NIPAL2: variants seen among roughly 807,000 people sequenced by gnomAD.
The protein encoded by NIPAL2 is NIPA like domain containing 2, also known as NIPA-like protein 2.
A neutral mutation model predicts 48.9 loss-of-function variants in NIPAL2; 43 were observed. The observed-to-expected ratio is 0.88, with a 90% CI of 0.69 to 1.13. NIPAL2 has a LOEUF of 1.13. NIPAL2 is among the 50% of genes most tolerant of loss of function. The probability of loss-of-function intolerance (pLI) is 0.00; values close to 1 mark genes in which losing one functional copy is unlikely to be tolerated. For missense variants in NIPAL2, 446 were observed against 461.4 expected (o/e 0.97, Z 0.31); for synonymous variants, 167 against 174.6 (o/e 0.96, Z 0.34).
At chr8:98,214,561 T>TTC (rs1307540367) in intron 5 of NIPAL2, among the ~76,000 whole-genome samples, 1 of 148,554 alleles carries the variant, frequency 6.7e-6, no homozygotes, top group Non-Finnish European at 1.5e-5. Flanking sequence ...CTAATTTTTT[T>TTC]TCTTTTTTTT....
chr8:98,259,314 A>G (rs977640195), intron 1 of NIPAL2, among the ~76,000 whole-genome samples: 2 of 151,640 alleles, frequency 1.3e-5, no homozygotes, highest in Non-Finnish European at 2.9e-5. Flanking sequence ...TGACCTCGTG[A>G]TCCGCCCGTC....
chr8:98,208,207 T>C (rs1481871049), intron 6 of NIPAL2, among the ~76,000 whole-genome samples: 2 of 152,242 alleles, frequency 1.3e-5, no homozygotes, highest in African/African-American at 2.4e-5. Context: ...ACTTTCATCA[T>C]TAGAACAACA....
chr8:98,223,338 G>C (rs928698515), intron 4 of NIPAL2, among the ~76,000 whole-genome samples: 3 of 152,208 alleles, frequency 2.0e-5, no homozygotes, highest in Admixed American at 2.0e-4. Flanking sequence ...AAGGGAATGT[G>C]TGTAGGGGGA....
At position 98,222,596 on chromosome 8, in the gene NIPAL2, C is replaced by A. The variant is rs751331082; in HGVS notation, c.441G>T (p.Thr147=). Residue 147 remains threonine, a synonymous_variant, in exon 5 of 11, where the codon ACG becomes ACT. Transcript: ENST00000430223. The part of the protein sequence containing the change: ...DNLRASDLLG[T]TLAFAGTYLL... ...AATATGTTCCTGCAAATGCCAGTGT[C>A]GTACCTTTAAATAAAATTGAAAAGA... is the stretch of plus-strand genomic sequence containing the variant. 1 of 1,608,196 alleles carries A rather than the reference C, an allele frequency of 6.2e-7. No individual in the cohort carries two copies. The highest frequency in any genetic ancestry group is 1.1e-5 in the South Asian group (1 of 89,110).
chr8:98,281,578 G>A (rs1815832572), intron 1 of NIPAL2, among the ~76,000 whole-genome samples: 1 of 152,148 alleles, frequency 6.6e-6, no homozygotes, highest in African/African-American at 2.4e-5. Context: ...TTGCATGCCT[G>A]TATCAAGATA....
At chr8:98,195,656 G>A in intron 9 of NIPAL2, 1 of 299,144 alleles carries the variant, frequency 3.3e-6, no homozygotes, top group Non-Finnish European at 6.2e-6. Flanking sequence ...ATACAGTACA[G>A]AAAGGTCGTG....
At chr8:98,254,226 T>C (rs1276041838) in intron 1 of NIPAL2, 139 bp from the exon 2 acceptor site, 1 of 554,426 alleles carries the variant, frequency 1.8e-6, no homozygotes, top group African/African-American at 1.9e-5. Flanking sequence ...GTTTGGGATA[T>C]TAATAGGATT....
chr8:98,226,650 G>C (rs575851570), intron 4 of NIPAL2, among the ~76,000 whole-genome samples: 1 of 152,058 alleles, frequency 6.6e-6, no homozygotes, highest in Non-Finnish European at 1.5e-5. Flanking sequence ...AGTTGGGGGC[G>C]AGGGGTGGAA....
intron 3 of NIPAL2, among the ~76,000 whole-genome samples, chr8:98,241,499 A>G (rs1411191980): frequency 6.6e-6 from 1 of 152,206 alleles, no homozygotes; most frequent in East Asian, 1.9e-4. Context: ...AACTATTCAA[A>G]TTCTTTGATC....
At chr8:98,231,281 T>G (rs1255111872) in intron 4 of NIPAL2, among the ~76,000 whole-genome samples, 1 of 152,176 alleles carries the variant, frequency 6.6e-6, no homozygotes, top group African/African-American at 2.4e-5. Flanking sequence ...CTCCCATTCT[T>G]GAGGCAGCTC....
intron 6 of NIPAL2, among the ~76,000 whole-genome samples, chr8:98,208,084 G>T (rs1338247498): frequency 1.3e-5 from 2 of 152,118 alleles, no homozygotes; most frequent in Non-Finnish European, 2.9e-5. Context: ...CTAGCAAACT[G>T]CCTTCCAGAG....
chr8:98,193,421 C>G, intron 10 of NIPAL2: 1 of 1,613,994 alleles, frequency 6.2e-7, no homozygotes, highest in Non-Finnish European at 8.5e-7. Context: ...GTCTTCTTTT[C>G]CACGTCGAAT....
At position 98,192,665 on chromosome 8, in the gene NIPAL2, A is replaced by C. The variant is rs1310895535; in HGVS notation, c.*313T>G. 3.5e-6 allele frequency: 1 copy of C among 283,124 alleles called. No individual in the cohort carries two copies. The highest frequency in any genetic ancestry group is 6.7e-6 in the Non-Finnish European group (1 of 149,688). 17.5% of individuals were successfully genotyped at this position (283,124 alleles called of 1,614,324 possible). ...AAGCCACCTATGCGACCTGTGGCCAAACCGCAAATGTATGTTTCTGTGCAA... is the reference window on the plus strand; with the variant it reads ...AAGCCACCTATGCGACCTGTGGCCACACCGCAAATGTATGTTTCTGTGCAA... On this transcript the variant is annotated 3_prime_UTR_variant, in exon 11 of 11. Coordinates refer to ENST00000430223, the MANE Select transcript of NIPAL2 (RefSeq NM_001321635.2).
intron 3 of NIPAL2, among the ~76,000 whole-genome samples, chr8:98,251,233 A>C (rs992192930): frequency 6.6e-6 from 1 of 152,038 alleles, no homozygotes; most frequent in Non-Finnish European, 1.5e-5. Flanking sequence ...CATGACATAC[A>C]CTGTCATTAT....
In NIPAL2 at chr8:98,189,969, T is replaced by A. The variant is rs1810236632; in HGVS notation, c.*3009A>T. ...CTGCTTTAATCTACTACATGAGAGGTCATTGTTACTCATTTCCAAAGCTGT... is the reference window on the plus strand; with the variant it reads ...CTGCTTTAATCTACTACATGAGAGGACATTGTTACTCATTTCCAAAGCTGT... On this transcript the variant is annotated 3_prime_UTR_variant, in exon 11 of 11. Transcript: ENST00000430223. 2 of 152,236 alleles carry A rather than the reference T, an allele frequency of 1.3e-5. No individual in the cohort carries two copies. Among genetic ancestry groups the A allele is most frequent in the Middle Eastern group, 3.4e-3 (1 of 294 alleles). 9.4% of individuals were successfully genotyped at this position (152,236 alleles called of 1,614,324 possible). A position where few individuals can be genotyped will look rare whatever the true frequency, so the allele number is the denominator to read the frequency against.
Position 98,192,062 on chromosome 8 carries a change from C to A in NIPAL2, c.*916G>T, listed in dbSNP as rs1563800445. The stretch of plus-strand genomic sequence containing the variant: ...TATATGGAGAATAAGACATATAAAT[C>A]CACTTGATAAATTATAAGATCTATA... On this transcript the variant is annotated 3_prime_UTR_variant, in exon 11 of 11. Transcript: ENST00000430223. The A allele has an allele frequency of 6.6e-6, 1 of 151,956 alleles. No individual in the cohort carries two copies. The highest frequency in any genetic ancestry group is 1.5e-5 in the Non-Finnish European group (1 of 67,990). 9.4% of individuals were successfully genotyped at this position (151,956 alleles called of 1,614,324 possible).
chr8:98,213,366 G>T (rs1169790903), intron 5 of NIPAL2, among the ~76,000 whole-genome samples: 2 of 152,104 alleles, frequency 1.3e-5, no homozygotes, highest in African/African-American at 4.8e-5. Context: ...TCACTTGCTT[G>T]CTTTTTTTCA....
chr8:98,205,435 C>T lies in NIPAL2; in HGVS notation c.656-189G>A, dbSNP rs17358778. Among the ~76,000 whole-genome samples the T allele has an allele frequency of 2.5e-3, 377 of 151,208 alleles. 2 individuals carry two copies. The highest frequency in any genetic ancestry group is 6.9e-3 in the Middle Eastern group (2 of 288). Reference sequence around the variant, plus strand: ...TTGTTGCTCGAGCCGTGCTGGATATCAAATTTGCTTAAATCAGCTAAAGAT... The same window carrying T: ...TTGTTGCTCGAGCCGTGCTGGATATTAAATTTGCTTAAATCAGCTAAAGAT... On this transcript the variant is annotated intron_variant, in intron 6 of 10. Transcript: ENST00000430223.
At chr8:98,289,933 C>A (rs539885753) in intron 1 of NIPAL2, among the ~76,000 whole-genome samples, 1 of 152,264 alleles carries the variant, frequency 6.6e-6, no homozygotes, top group Non-Finnish European at 1.5e-5. Flanking sequence ...TAATATAAAA[C>A]TCAGCATGAT....
Sources: allele counts gnomAD v4.1 joint callset (sites outside exome capture counted in the v4.1 genomes callset), GRCh38; gene constraint gnomAD v4.1.1; transcripts MANE v1.5; gene names NCBI Gene and HGNC (gene_info 2026-07-23, HGNC 2026-07-21).